The following CASTOR2 variants were observed in gnomAD, a reference collection of about 807,000 sequenced individuals.
CASTOR2 encodes cytosolic arginine sensor for mTORC1 subunit 2.
In CASTOR2, 8 loss-of-function variants were observed where a neutral mutation model predicts 31.2. The ratio of observed to expected loss-of-function variants is 0.26; its 90% CI spans 0.15 to 0.46. The LOEUF is 0.46. Ranked by LOEUF, CASTOR2 falls within the 20% of genes least tolerant of loss-of-function variation. CASTOR2 has a pLI of 0.99. For synonymous variants in CASTOR2, 162 were observed against 158.7 expected, an observed-to-expected ratio of 1.02 and a Z score of -0.16; for missense variants, 216 against 382.1, an observed-to-expected ratio of 0.57 and a Z score of 3.62.
chr7:74,972,666 C>A (rs1440467044), intron 1 of CASTOR2, among the ~76,000 whole-genome samples: 3 of 150,640 alleles, frequency 2.0e-5, no homozygotes, highest in African/African-American at 4.9e-5. Flanking sequence ...ACACTAAAGT[C>A]TTTTGTTTTT....
At position 75,026,645 on chromosome 7, in the gene CASTOR2, A is replaced by G. The variant is rs964332724; in HGVS notation, c.*1946A>G. Among the ~76,000 whole-genome samples the G allele has an allele frequency of 1.2e-4, 19 of 152,164 alleles. No homozygotes were observed. The highest frequency in any genetic ancestry group is 4.3e-4 in the African/African-American group (18 of 41,520). On this transcript the variant is annotated 3_prime_UTR_variant, in exon 9 of 9. Coordinates refer to ENST00000616305, the MANE Select transcript of CASTOR2 (RefSeq NM_001145064.3). Reference sequence around the variant, plus strand: ...CTTGTGGGTGTTGAAGGCCCACCACATTAATTAGAAACCAACTTTTTTTTT... The same window carrying G: ...CTTGTGGGTGTTGAAGGCCCACCACGTTAATTAGAAACCAACTTTTTTTTT...
intron 1 of CASTOR2, among the ~76,000 whole-genome samples, chr7:75,002,592 G>T (rs1804521298): frequency 6.6e-6 from 1 of 152,172 alleles, no homozygotes; most frequent in African/African-American, 2.4e-5. Flanking sequence ...CTGCACTCCA[G>T]CCTGGGCAAC....
Position 75,028,555 on chromosome 7 carries a change from C to T in CASTOR2, c.*3856C>T, listed in dbSNP as rs1394087568. Reference sequence around the variant, plus strand: ...TCAACCCCACCCTCTCCCCTTGCTGCACTCAGAGTACCAGTGGGAGCTGAA... The same window carrying T: ...TCAACCCCACCCTCTCCCCTTGCTGTACTCAGAGTACCAGTGGGAGCTGAA... On this transcript the variant is annotated 3_prime_UTR_variant, in exon 9 of 9. Coordinates refer to ENST00000616305, the MANE Select transcript of CASTOR2 (RefSeq NM_001145064.3). 6.6e-6 allele frequency among the ~76,000 whole-genome samples: 1 copy of T among 152,108 alleles called. No homozygotes were observed. Among genetic ancestry groups the T allele is most frequent in the East Asian group, 1.9e-4 (1 of 5,188 alleles).
chr7:74,977,958 T>C (rs1194626396), intron 1 of CASTOR2, among the ~76,000 whole-genome samples: 3 of 149,168 alleles, frequency 2.0e-5, no homozygotes, highest in African/African-American at 7.4e-5. Flanking sequence ...GGATTACAGG[T>C]GTGAGCTACA....
rs1805152913 is a variant in CASTOR2 at position 75,027,013 on chromosome 7, T to C, written c.*2314T>C. 1.3e-5 allele frequency: 2 copies of C among 152,272 alleles called. No homozygotes were observed. Among genetic ancestry groups the C allele is most frequent in the African/African-American group, 4.8e-5 (2 of 41,472 alleles). 9.4% of individuals were successfully genotyped at this position (152,272 alleles called of 1,614,324 possible). ...TATACTTGAGCAATATATATGTTAATATATACTGTGTGCGCAGTCCGTGGA... is the reference window on the plus strand; with the variant it reads ...TATACTTGAGCAATATATATGTTAACATATACTGTGTGCGCAGTCCGTGGA... On this transcript the variant is annotated 3_prime_UTR_variant, in exon 9 of 9. Transcript: ENST00000616305.
chr7:74,980,722 G>A (rs1803928702), intron 1 of CASTOR2, among the ~76,000 whole-genome samples: 1 of 133,682 alleles, frequency 7.5e-6, no homozygotes, highest in Non-Finnish European at 1.5e-5. Context: ...TTTATTGGAG[G>A]AAGGGAAGCT....
In CASTOR2 at chr7:75,029,943, A is replaced by G. The variant is rs1437829475; in HGVS notation, c.*5244A>G. 6.6e-6 allele frequency among the ~76,000 whole-genome samples: 1 copy of G among 152,196 alleles called. No homozygotes were observed. The highest frequency in any genetic ancestry group is 1.5e-5 in the Non-Finnish European group (1 of 68,034). ...GAGACCAAGGTGGGAGGATAGCTTG[A>G]GGCCAAGATAGCAAGACCAACCTGG... On this transcript the variant is annotated 3_prime_UTR_variant, in exon 9 of 9. Transcript: ENST00000616305.
intron 1 of CASTOR2, among the ~76,000 whole-genome samples, chr7:74,983,651 A>G (rs1803997086): frequency 6.6e-6 from 1 of 151,492 alleles, no homozygotes; most frequent in African/African-American, 2.4e-5. Context: ...TGAGTGCTTG[A>G]GTGAGGCACA....
chr7:75,004,087 C>T (rs1166942113), intron 1 of CASTOR2, among the ~76,000 whole-genome samples: 1 of 152,168 alleles, frequency 6.6e-6, no homozygotes, highest in Non-Finnish European at 1.5e-5. Flanking sequence ...CTGTTTGCCT[C>T]CCCGGGGCTC....
intron 7 of CASTOR2, 116 bp from the exon 8 acceptor site, chr7:75,024,324 C>G: frequency 6.9e-6 from 7 of 1,018,406 alleles, no homozygotes; most frequent in Non-Finnish European, 1.1e-5. Flanking sequence ...TGGGAATTCT[C>G]TAGGAGGATG....
At chr7:75,007,414 TGTGAG>T (rs1398492180) in intron 1 of CASTOR2, among the ~76,000 whole-genome samples, 1 of 152,140 alleles carries the variant, frequency 6.6e-6, no homozygotes, top group African/African-American at 2.4e-5. Context: ...TCAGAGATGA[TGTGAG>T]GTGGGGCAGA....
intron 2 of CASTOR2, among the ~76,000 whole-genome samples, chr7:75,010,358 TC>T (rs1350433783): frequency 6.6e-6 from 1 of 151,902 alleles, no homozygotes; most frequent in Non-Finnish European, 1.5e-5. Context: ...TGGATCTTAT[TC>T]TTCAGGCACT....
rs1188715730 is a variant in CASTOR2 at position 74,991,575 on chromosome 7, G to A, written c.114-16419G>A. On this transcript the variant is annotated intron_variant, in intron 1 of 8. Coordinates refer to ENST00000616305, the MANE Select transcript of CASTOR2 (RefSeq NM_001145064.3). ...TGGTCTCTGCCCACTCAGCAGCCCA[G>A]GCCAGGGTGGAGTTGGTAAACTTCA... Among the ~76,000 whole-genome samples, 78 of 152,326 alleles carry A rather than the reference G, an allele frequency of 5.1e-4. 4 individuals carry two copies. The highest frequency in any genetic ancestry group is 1.8e-3 in the African/African-American group (76 of 41,580).
chr7:75,019,153 G>C (rs1476486188), intron 5 of CASTOR2, 58 bp downstream of exon 5: 2 of 1,551,410 alleles, frequency 1.3e-6, no homozygotes, highest in East Asian at 2.4e-5. Context: ...GCATGGCTCC[G>C]CCTAGGAGTC....
chr7:75,018,663 G>C (rs1210895956), intron 4 of CASTOR2, among the ~76,000 whole-genome samples: 3 of 152,266 alleles, frequency 2.0e-5, no homozygotes, highest in African/African-American at 7.2e-5. Context: ...CAGGTGTCAG[G>C]GTGGATTTCC....
chr7:74,987,124 G>T (rs1584462650), intron 1 of CASTOR2, among the ~76,000 whole-genome samples: 1 of 152,126 alleles, frequency 6.6e-6, no homozygotes, highest in East Asian at 1.9e-4. Context: ...GCCAGCACCG[G>T]CCGGGCGCAG....
chr7:75,004,735 C>G (rs2131942314), intron 1 of CASTOR2, among the ~76,000 whole-genome samples: 1 of 152,252 alleles, frequency 6.6e-6, no homozygotes, highest in Middle Eastern at 3.4e-3. Context: ...GCATGAGCCA[C>G]CGCAGCAGGC....
chr7:75,024,726 G>A lies in CASTOR2; in HGVS notation c.*27G>A, dbSNP rs1479349500. 20 of 1,551,390 alleles carry A rather than the reference G, an allele frequency of 1.3e-5. No individual in the cohort carries two copies. Among genetic ancestry groups the A allele is most frequent in the South Asian group, 4.8e-5 (4 of 84,050 alleles). On this transcript the variant is annotated 3_prime_UTR_variant, in exon 9 of 9. Transcript: ENST00000616305. ...AGGGTCTCTTCTGCTCCTCCCTGCC[G>A]CCGCCCGGGCCCAGCCCTAACCCTG...
intron 2 of CASTOR2, among the ~76,000 whole-genome samples, chr7:75,011,136 A>G (rs1804734118): frequency 6.6e-6 from 1 of 151,952 alleles, no homozygotes; most frequent in Non-Finnish European, 1.5e-5. Context: ...CTGCCAAAAT[A>G]TTAGCATTTT....
Sources: gnomAD v4.1 joint callset for allele counts (sites outside exome capture counted in the v4.1 genomes callset) on GRCh38, gnomAD v4.1.1 for gene constraint, MANE v1.5 for transcripts, NCBI Gene and HGNC (gene_info 2026-07-23, HGNC 2026-07-21) for gene names.